PLXNA2: variants seen among roughly 807,000 people sequenced by gnomAD.
The protein encoded by PLXNA2 is plexin A2, also known as plexin-A2.
PLXNA2 carries 91 observed loss-of-function variants against 193.5 expected under a neutral mutation model. That is an observed-to-expected ratio of 0.47 (90% CI 0.40 to 0.56). The LOEUF (loss-of-function observed/expected upper bound fraction) is 0.56, where lower values mean the gene tolerates loss of function less well. Among genes scored for constraint, PLXNA2 ranks in the 20% least tolerant of loss-of-function variants. PLXNA2 has a pLI of 0.00. For synonymous variants in PLXNA2, 997 were observed against 1,027.3 expected, an observed-to-expected ratio of 0.97 and a Z score of 0.56; for missense variants, 1,995 against 2,503.2, an observed-to-expected ratio of 0.80 and a Z score of 4.33.
intron 3 of PLXNA2, among the ~76,000 whole-genome samples, chr1:208,154,984 G>A (rs1668892448): frequency 6.6e-6 from 1 of 152,240 alleles, no homozygotes; most frequent in Non-Finnish European, 1.5e-5. Flanking sequence ...ACTTGGGTGG[G>A]ACCAGACTGA....
chr1:208,060,175 T>C (rs116029147), intron 13 of PLXNA2, among the ~76,000 whole-genome samples: 2,422 of 152,284 alleles, frequency 0.016, 66 homozygotes, highest in African/African-American at 0.056. Context: ...GGAACATATG[T>C]CACTCCTGGA....
intron 29 of PLXNA2, chr1:208,030,930 C>T (rs758916320): frequency 2.0e-6 from 2 of 986,126 alleles, no homozygotes; most frequent in Non-Finnish European, 2.4e-6. Context: ...AGGGCTTCTC[C>T]CACTGCTGGT....
intron 28 of PLXNA2, among the ~76,000 whole-genome samples, chr1:208,032,947 T>G (rs1040855819): frequency 6.6e-6 from 1 of 152,140 alleles, no homozygotes; most frequent in Non-Finnish European, 1.5e-5. Context: ...AAAGATATAT[T>G]TGCTATTTTT....
intron 3 of PLXNA2, among the ~76,000 whole-genome samples, chr1:208,154,931 G>GC (rs1427520672): frequency 6.6e-6 from 1 of 152,250 alleles, no homozygotes; most frequent in Non-Finnish European, 1.5e-5. Context: ...GGAAAGGAAA[G>GC]CATGAAAGAG....
In PLXNA2 at chr1:208,084,594, C is replaced by T. The variant is rs201507261; in HGVS notation, c.2098-14G>A. ...CTGGGGACAGTCCTGGGGGAACAAA[C>T]GAAGAGGCTCCATCTGTCCCCTGTT... On this transcript the variant is annotated splice_polypyrimidine_tract_variant and intron_variant, in intron 9 of 31. Coordinates refer to ENST00000367033, the MANE Select transcript of PLXNA2 (RefSeq NM_025179.4). 4.6e-5 allele frequency: 74 copies of T among 1,612,292 alleles called. No individual in the cohort carries two copies. The highest frequency in any genetic ancestry group is 6.7e-5 in the East Asian group (3 of 44,864).
chr1:208,058,122 C>T (rs1015261001), intron 13 of PLXNA2, among the ~76,000 whole-genome samples: 3 of 152,186 alleles, frequency 2.0e-5, no homozygotes, highest in African/African-American at 7.2e-5. Context: ...GGCGGAAGCA[C>T]ACACACATCT....
chr1:208,141,014 G>C (rs531179588), intron 4 of PLXNA2, among the ~76,000 whole-genome samples: 1 of 152,348 alleles, frequency 6.6e-6, no homozygotes, highest in Non-Finnish European at 1.5e-5. Context: ...ACCCACTCTA[G>C]GTTAGGCAAA....
At chr1:208,124,657 C>A (rs886546864) in intron 4 of PLXNA2, among the ~76,000 whole-genome samples, 1 of 119,996 alleles carries the variant, frequency 8.3e-6, no homozygotes, top group African/African-American at 3.2e-5. Context: ...CCAGCCTGGG[C>A]GACAACAGCA....
At chr1:208,083,048 T>C (rs1666397928) in intron 10 of PLXNA2, among the ~76,000 whole-genome samples, 2 of 152,298 alleles carry the variant, frequency 1.3e-5, no homozygotes, top group South Asian at 4.1e-4. Context: ...GCAGAGCTAA[T>C]GCCCTCTTAC....
intron 4 of PLXNA2, among the ~76,000 whole-genome samples, chr1:208,135,617 CAT>C (rs1252079328): frequency 1.3e-5 from 2 of 152,178 alleles, no homozygotes; most frequent in African/African-American, 4.8e-5. Context: ...TACTTCCCCA[CAT>C]GTTTGAAGAA....
chr1:208,147,807 A>T (rs1190877163), intron 3 of PLXNA2, among the ~76,000 whole-genome samples: 2 of 152,158 alleles, frequency 1.3e-5, no homozygotes, highest in Non-Finnish European at 2.9e-5. Flanking sequence ...GGGTCATCTA[A>T]AAGTCCAAAT....
intron 3 of PLXNA2, among the ~76,000 whole-genome samples, chr1:208,154,147 C>T (rs1465857064): frequency 6.6e-6 from 1 of 152,178 alleles, no homozygotes; most frequent in Non-Finnish European, 1.5e-5. Flanking sequence ...TTTGGCTGGA[C>T]ACCTGCTTGT....
At chr1:208,197,116 GACTTGA>G (rs1670386115) in intron 3 of PLXNA2, among the ~76,000 whole-genome samples, 1 of 152,106 alleles carries the variant, frequency 6.6e-6, no homozygotes, top group African/African-American at 2.4e-5. Flanking sequence ...GTAGAGTTAG[GACTTGA>G]ACTCAAACCA....
intron 3 of PLXNA2, among the ~76,000 whole-genome samples, chr1:208,146,719 C>T (rs1237905084): frequency 2.0e-5 from 3 of 152,146 alleles, no homozygotes; most frequent in Admixed American, 2.0e-4. Context: ...AAAGTGACAG[C>T]AATAAACTGA....
At chr1:208,103,354 A>C in intron 4 of PLXNA2, 107 bp from the exon 5 acceptor site, 2 of 806,982 alleles carry the variant, frequency 2.5e-6, no homozygotes, top group Non-Finnish European at 3.9e-6. Flanking sequence ...AACTCCCCTA[A>C]AGAGGTGATA....
intron 3 of PLXNA2, among the ~76,000 whole-genome samples, chr1:208,187,875 T>C (rs1670056984): frequency 6.6e-6 from 1 of 152,192 alleles, no homozygotes; most frequent in African/African-American, 2.4e-5. Flanking sequence ...CAGTTACTGT[T>C]GCTTTCACAC....
intron 5 of PLXNA2, among the ~76,000 whole-genome samples, chr1:208,100,710 G>A (rs939329653): frequency 2.0e-5 from 3 of 151,706 alleles, no homozygotes; most frequent in African/African-American, 7.2e-5. Context: ...AATGCCTTGA[G>A]ACAGAGAGAC....
intron 3 of PLXNA2, among the ~76,000 whole-genome samples, chr1:208,188,709 CAAAAA>C (rs1213724508): frequency 1.4e-5 from 1 of 71,452 alleles, no homozygotes; most frequent in Non-Finnish European, 3.0e-5. Context: ...AACTCTGTCT[CAAAAA>C]AAAAAAAAAA....
At chr1:208,150,884 T>G (rs535846) in intron 3 of PLXNA2, among the ~76,000 whole-genome samples, 65,858 of 152,046 alleles carry the variant, frequency 0.43, 14,596 homozygotes, top group Middle Eastern at 0.53. Flanking sequence ...GTTCTACTCT[T>G]GGAGAATTTT....
Sources: gnomAD v4.1 joint callset for allele counts (sites outside exome capture counted in the v4.1 genomes callset) on GRCh38, gnomAD v4.1.1 for gene constraint, MANE v1.5 for transcripts, NCBI Gene and HGNC (gene_info 2026-07-23, HGNC 2026-07-21) for gene names.